Variants in AMOTL1 observed in about 807,000 individuals in gnomAD.
The protein encoded by AMOTL1 is angiomotin-like protein 1.
In AMOTL1, 45 loss-of-function variants were observed where a neutral mutation model predicts 102.9. The ratio of observed to expected loss-of-function variants is 0.44; its 90% CI spans 0.34 to 0.56. The LOEUF is 0.56. Ranked by LOEUF, AMOTL1 falls within the 20% of genes least tolerant of loss-of-function variation. The probability of loss-of-function intolerance (pLI) is 0.01; values close to 1 mark genes in which losing one functional copy is unlikely to be tolerated. For synonymous variants in AMOTL1, 481 were observed against 484.7 expected (o/e 0.99, Z 0.10); for missense variants, 1,114 against 1,225.6 (o/e 0.91, Z 1.36).
intron 7 of AMOTL1, 46 bp downstream of exon 7, chr11:94,850,305 G>A (rs760519053): frequency 1.3e-6 from 2 of 1,529,498 alleles, no homozygotes; most frequent in Non-Finnish European, 1.8e-6. Context: ...GGCAAGCAGA[G>A]CCCAGAGGGC....
At position 94,727,666 on chromosome 11, in the gene AMOTL1, G is replaced by C. The variant is rs1950283019; in HGVS notation, c.-50-1255G>C. Among the ~76,000 whole-genome samples, 3 of 152,168 alleles carry C rather than the reference G, an allele frequency of 2.0e-5. No homozygotes were observed. The South Asian group carries it at 6.2e-4, about 32-fold the overall frequency. On this transcript the variant is annotated intron_variant, in intron 1 of 4. Transcript: ENST00000299004. Reference sequence around the variant, plus strand: ...TGCCCAAAGTCATCCAGTTAGTGCAGAGTCAGGGCTAAAATCTGGATTTAT... The same window carrying C: ...TGCCCAAAGTCATCCAGTTAGTGCACAGTCAGGGCTAAAATCTGGATTTAT...
chr11:94,858,998 A>G (rs1391494498), intron 8 of AMOTL1, among the ~76,000 whole-genome samples: 2 of 152,042 alleles, frequency 1.3e-5, no homozygotes, highest in Non-Finnish European at 2.9e-5. Context: ...AGGTGTGAAT[A>G]CCTCCTTTCC....
chr11:94,823,041 C>T (rs1193472293), intron 4 of AMOTL1, among the ~76,000 whole-genome samples: 1 of 152,178 alleles, frequency 6.6e-6, no homozygotes, highest in African/African-American at 2.4e-5. Context: ...CTCTATGTGA[C>T]AATTAATGCT....
chr11:94,805,793 T>C (rs1255831309), intron 3 of AMOTL1, among the ~76,000 whole-genome samples: 1 of 152,186 alleles, frequency 6.6e-6, no homozygotes, highest in East Asian at 1.9e-4. Flanking sequence ...CATGACATGG[T>C]AGTGTTTGGC....
chr11:94,796,985 G>T (rs1054842196), intron 2 of AMOTL1: 1 of 985,258 alleles, frequency 1.0e-6, no homozygotes, highest in Admixed American at 6.2e-5. Context: ...AACGAGCGTG[G>T]CAGTTGATTA....
Position 94,830,076 on chromosome 11 carries a change from G to T in AMOTL1, c.1440G>T (p.Ser480=). The part of the protein sequence containing the change: ...HKFEKELQRI[S]EAYESLVKST... ...TTGAAAAAGAACTTCAGAGAATTTC[G>T]GAAGCCTATGAAAGTCTGGTCAAGT... The change falls in exon 5 of 13, where the codon TCG becomes TCT. Residue 480 remains serine, a synonymous_variant. Coordinates refer to ENST00000433060, the MANE Select transcript of AMOTL1 (RefSeq NM_130847.3). 5 of 1,601,338 alleles carry T rather than the reference G, an allele frequency of 3.1e-6. No individual in the cohort carries two copies. The highest frequency in any genetic ancestry group is 1.1e-5 in the South Asian group (1 of 87,910).
intron 3 of AMOTL1, among the ~76,000 whole-genome samples, chr11:94,747,522 A>T (rs144387735): frequency 2.6e-5 from 4 of 152,210 alleles, no homozygotes; most frequent in African/African-American, 4.8e-5. Flanking sequence ...TGACATTTGT[A>T]TAACTTCTTT....
At chr11:94,782,878 TAAA>T (rs1429188952) in intron 1 of AMOTL1, among the ~76,000 whole-genome samples, 1 of 152,214 alleles carries the variant, frequency 6.6e-6, no homozygotes, top group African/African-American at 2.4e-5. Flanking sequence ...TGCAAAATTA[TAAA>T]AAAATTCTCA....
At chr11:94,858,089 C>G (rs1255274416) in intron 8 of AMOTL1, among the ~76,000 whole-genome samples, 1 of 152,108 alleles carries the variant, frequency 6.6e-6, no homozygotes, top group Non-Finnish European at 1.5e-5. Context: ...GAGATGGTAA[C>G]AAAAGGGATT....
chr11:94,873,820 A>ACACATCT lies in AMOTL1; in HGVS notation c.*3028_*3034dup, dbSNP rs1334497874. The ACACATCT allele has an allele frequency of 2.8e-5, 4 of 143,862 alleles. No homozygotes were observed. The highest frequency in any genetic ancestry group is 1.0e-4 in the African/African-American group (4 of 39,366). The allele number at this position is 143,862 out of a possible 1,614,324, so 8.9% of individuals were successfully genotyped here. ...ACACACACACACACACACAGCTATCACACATCTCAGAGCCTAAGAAATAGG... is the reference window on the plus strand; with the variant it reads ...ACACACACACACACACACAGCTATCACACATCTCACATCTCAGAGCCTAAGAAATAGG... On this transcript the variant is annotated 3_prime_UTR_variant, in exon 13 of 13. Transcript: ENST00000433060.
intron 1 of AMOTL1, among the ~76,000 whole-genome samples, chr11:94,711,300 AC>A (rs1950018820): frequency 6.6e-6 from 1 of 152,164 alleles, no homozygotes; most frequent in Non-Finnish European, 1.5e-5. Context: ...TTTTTAAAAA[AC>A]ATTATGAAAT....
At chr11:94,797,923 A>AGTTTG (rs1951398636) in intron 2 of AMOTL1, among the ~76,000 whole-genome samples, 2 of 152,218 alleles carry the variant, frequency 1.3e-5, no homozygotes, top group South Asian at 4.2e-4. Context: ...GGTGCAGAGG[A>AGTTTG]GTGACATGAT....
At chr11:94,765,115 C>A (rs12286528), upstream of AMOTL1, among the ~76,000 whole-genome samples, 1 of 152,198 alleles carries the variant, frequency 6.6e-6, no homozygotes, top group African/African-American at 2.4e-5. Flanking sequence ...AGACTGCTCT[C>A]TGGGCTGCCC....
intron 1 of AMOTL1, among the ~76,000 whole-genome samples, chr11:94,788,764 A>G (rs1951235684): frequency 6.6e-6 from 1 of 152,224 alleles, no homozygotes; most frequent in South Asian, 2.1e-4. Flanking sequence ...TGTTACTTTA[A>G]AGGTTAAGCA....
At chr11:94,806,535 C>T (rs1951572238) in intron 3 of AMOTL1, among the ~76,000 whole-genome samples, 2 of 152,152 alleles carry the variant, frequency 1.3e-5, no homozygotes, top group Non-Finnish European at 2.9e-5. Context: ...GGCCATGGAG[C>T]CTTATTTAAA....
At chr11:94,863,844 G>C (rs925178678) in intron 9 of AMOTL1, among the ~76,000 whole-genome samples, 2 of 152,214 alleles carry the variant, frequency 1.3e-5, no homozygotes, top group African/African-American at 4.8e-5. Context: ...TTTATAGTCA[G>C]ACAGATGCTT....
Position 94,799,902 on chromosome 11 carries a change from C to T in AMOTL1, c.712C>T (p.Arg238Cys), listed in dbSNP as rs201051216. ...AACTGAGGGGAGGCCCACTGTGAAC[C>T]GTGCCAACAGTGGACAGGCGCATAA... ...SRTEGRPTVN[R>C]ANSGQAHKDE... Residue 238 changes from arginine (R) to cysteine (C), a missense_variant, in exon 3 of 13, where the codon CGT (arginine) becomes TGT (cysteine). Transcript: ENST00000433060. This position sits in a 1 kb window ranked among gnomAD's most constrained non-coding sequence, Gnocchi z 4.5. The T allele has an allele frequency of 2.3e-4, 368 of 1,603,916 alleles. No homozygotes were observed. Among genetic ancestry groups the T allele is most frequent in the Non-Finnish European group, 2.8e-4 (334 of 1,174,490 alleles).
chr11:94,710,491 T>C (rs1950006572), intron 1 of AMOTL1, among the ~76,000 whole-genome samples: 1 of 152,198 alleles, frequency 6.6e-6, no homozygotes, highest in African/African-American at 2.4e-5. Flanking sequence ...CGATTATATT[T>C]GTAGATGATA....
In AMOTL1 at chr11:94,821,645, A is replaced by G; in HGVS notation, c.1237A>G (p.Met413Val). The change falls in exon 4 of 13, where the codon ATG becomes GTG. Residue 413 changes from methionine (M) to valine (V), a missense_variant. Physicochemically the swap from Met to Val is conservative, Grantham distance 21 (BLOSUM62 1). Coordinates refer to ENST00000433060, the MANE Select transcript of AMOTL1 (RefSeq NM_130847.3). ...TGTCTCCCTGCCGCTTCCACTCCCGATGGCCCTGGGTGCTCCACAGCCCCC... is the reference window on the plus strand; with the variant it reads ...TGTCTCCCTGCCGCTTCCACTCCCGGTGGCCCTGGGTGCTCCACAGCCCCC... ...HSVSLPLPLP[M>V]ALGAPQPPPA... is the part of the protein sequence containing the mutation. 6.2e-7 allele frequency: 1 copy of G among 1,613,806 alleles called. No individual in the cohort carries two copies. The highest frequency in any genetic ancestry group is 2.2e-5 in the East Asian group (1 of 44,874).
Sources: allele counts gnomAD v4.1 joint callset (sites outside exome capture counted in the v4.1 genomes callset), GRCh38; gene constraint gnomAD v4.1.1; non-coding constraint Gnocchi (gnomAD v3.1); transcripts MANE v1.5; gene names NCBI Gene and HGNC (gene_info 2026-07-23, HGNC 2026-07-21).